The following CNTNAP2 variants were observed in gnomAD, a reference collection of about 807,000 sequenced individuals.
CNTNAP2 encodes the protein contactin associated protein 2.
In CNTNAP2, 98 loss-of-function variants were observed where a neutral mutation model predicts 155.2. The ratio of observed to expected loss-of-function variants is 0.63; its 90% CI spans 0.54 to 0.75. The LOEUF is 0.75. Among genes scored for constraint, CNTNAP2 ranks in the 30% least tolerant of loss-of-function variants. CNTNAP2 has a pLI of 0.00. For synonymous variants in CNTNAP2, 651 were observed against 631.2 expected, an observed-to-expected ratio of 1.03 and a Z score of -0.47; for missense variants, 1,727 against 1,688.1, an observed-to-expected ratio of 1.02 and a Z score of -0.40.
chr7:146,250,685 G>A (rs779126611), intron 1 of CNTNAP2, among the ~76,000 whole-genome samples: 2 of 152,248 alleles, frequency 1.3e-5, no homozygotes, highest in East Asian at 1.9e-4. Flanking sequence ...ATCCAGCAAG[G>A]CCTGCTGTGT....
At chr7:146,292,218 C>T (rs1281896762) in intron 1 of CNTNAP2, among the ~76,000 whole-genome samples, 3 of 152,094 alleles carry the variant, frequency 2.0e-5, no homozygotes, top group African/African-American at 4.8e-5. Context: ...GTTCCCCTCC[C>T]TTTGTGCATG....
At chr7:147,841,602 C>A (rs923560129) in intron 13 of CNTNAP2, among the ~76,000 whole-genome samples, 1 of 152,154 alleles carries the variant, frequency 6.6e-6, no homozygotes, top group African/African-American at 2.4e-5. Context: ...ATTTCTAGCT[C>A]ATGAGGAACA....
intron 1 of CNTNAP2, among the ~76,000 whole-genome samples, chr7:146,452,618 A>G (rs975632978): frequency 2.6e-5 from 4 of 152,230 alleles, no homozygotes; most frequent in Non-Finnish European, 4.4e-5. Context: ...TTATACAGTT[A>G]TTACTTGAAC....
chr7:147,238,774 T>C (rs1216449762), intron 8 of CNTNAP2, among the ~76,000 whole-genome samples: 1 of 152,238 alleles, frequency 6.6e-6, no homozygotes, highest in Non-Finnish European at 1.5e-5. Flanking sequence ...TAACCATTTA[T>C]TCTCCCTTTC....
intron 12 of CNTNAP2, among the ~76,000 whole-genome samples, chr7:147,606,605 C>A (rs1372777760): frequency 6.6e-6 from 1 of 152,074 alleles, no homozygotes; most frequent in African/African-American, 2.4e-5. Flanking sequence ...TACCAGATAA[C>A]CTGTAAGGGA....
At chr7:146,148,683 C>A (rs565191607) in intron 1 of CNTNAP2, among the ~76,000 whole-genome samples, 2 of 151,834 alleles carry the variant, frequency 1.3e-5, no homozygotes, top group African/African-American at 4.8e-5. Context: ...AAATGATGAA[C>A]GTGGATAATT....
At chr7:147,508,893 A>G (rs1345690326) in intron 11 of CNTNAP2, among the ~76,000 whole-genome samples, 1 of 152,146 alleles carries the variant, frequency 6.6e-6, no homozygotes, top group Non-Finnish European at 1.5e-5. Context: ...TTTCTTTATA[A>G]ATTACTCAGT....
At chr7:147,317,180 T>A (rs12333635) in intron 9 of CNTNAP2, among the ~76,000 whole-genome samples, 1 of 152,056 alleles carries the variant, frequency 6.6e-6, no homozygotes, top group African/African-American at 2.4e-5. Context: ...ACTACCATAT[T>A]CTCTCTGCAG....
intron 1 of CNTNAP2, among the ~76,000 whole-genome samples, chr7:146,428,336 G>A (rs989007606): frequency 4.6e-5 from 7 of 152,080 alleles, no homozygotes; most frequent in Admixed American, 2.0e-4. Context: ...CTTCCACAAC[G>A]GTTGAACTAA....
At chr7:147,084,677 A>G (rs1800233368) in intron 4 of CNTNAP2, among the ~76,000 whole-genome samples, 1 of 147,542 alleles carries the variant, frequency 6.8e-6, no homozygotes, top group African/African-American at 2.5e-5. Context: ...TATAGCATAT[A>G]TAAGCATGCT....
intron 14 of CNTNAP2, among the ~76,000 whole-genome samples, chr7:147,936,138 G>C (rs1800602675): frequency 6.6e-6 from 1 of 152,082 alleles, no homozygotes; most frequent in African/African-American, 2.4e-5. Context: ...ATTGCACTAA[G>C]CTAAACATGA....
Position 146,678,294 on chromosome 7 carries a change from A to T in CNTNAP2, c.98-95977A>T, listed in dbSNP as rs10263210. On this transcript the variant is annotated intron_variant, in intron 1 of 23. Coordinates refer to ENST00000361727, the MANE Select transcript of CNTNAP2 (RefSeq NM_014141.6). ...ACGTTGGCCGGGCTGGTTTAGTCTC[A>T]AGCTCCTGCCCTCAAGTGATCCACC... Among the ~76,000 whole-genome samples, 955 of 151,970 alleles carry T rather than the reference A, an allele frequency of 6.3e-3. 8 individuals are homozygous for T. The highest frequency in any genetic ancestry group is 0.022 in the African/African-American group (913 of 41,454).
intron 9 of CNTNAP2, among the ~76,000 whole-genome samples, chr7:147,365,969 T>C (rs1796223469): frequency 6.6e-6 from 1 of 152,242 alleles, no homozygotes; most frequent in Non-Finnish European, 1.5e-5. Context: ...TTGGCCGTTT[T>C]TTATTCGGCA....
chr7:147,286,101 T>C (rs1334391399), intron 8 of CNTNAP2, among the ~76,000 whole-genome samples: 1 of 152,088 alleles, frequency 6.6e-6, no homozygotes, highest in African/African-American at 2.4e-5. Flanking sequence ...TTGTCTACAA[T>C]GTGTCAAATA....
intron 9 of CNTNAP2, among the ~76,000 whole-genome samples, chr7:147,325,752 A>G (rs550426648): frequency 9.2e-5 from 14 of 152,348 alleles, no homozygotes; most frequent in African/African-American, 3.4e-4. Flanking sequence ...TACCATTTTA[A>G]CTATATTTAA....
At chr7:146,313,577 G>A (rs2129091150) in intron 1 of CNTNAP2, among the ~76,000 whole-genome samples, 1 of 152,184 alleles carries the variant, frequency 6.6e-6, no homozygotes, top group African/African-American at 2.4e-5. Flanking sequence ...TTTTGCTTTT[G>A]CTGCCTGTGC....
intron 1 of CNTNAP2, among the ~76,000 whole-genome samples, chr7:146,683,032 A>G (rs1800532230): frequency 6.6e-6 from 1 of 151,304 alleles, no homozygotes; most frequent in South Asian, 2.1e-4. Context: ...CATTGTATAT[A>G]AAGTCTTTTT....
chr7:147,662,778 G>T (rs568292277), intron 13 of CNTNAP2, among the ~76,000 whole-genome samples: 17 of 152,256 alleles, frequency 1.1e-4, no homozygotes, highest in African/African-American at 4.1e-4. Context: ...ATCTCTACAG[G>T]CTAGCTATTG....
chr7:146,526,844 C>A (rs1462449088), intron 1 of CNTNAP2, among the ~76,000 whole-genome samples: 1 of 152,146 alleles, frequency 6.6e-6, no homozygotes, highest in East Asian at 1.9e-4. Flanking sequence ...TACATATATA[C>A]ACAAACTACA....
Sources: allele counts gnomAD v4.1 joint callset (sites outside exome capture counted in the v4.1 genomes callset), GRCh38; gene constraint gnomAD v4.1.1; transcripts MANE v1.5; gene names NCBI Gene and HGNC (gene_info 2026-07-23, HGNC 2026-07-21).